COL19A1: variants seen among roughly 807,000 people sequenced by gnomAD.
COL19A1 encodes collagen alpha-1(XIX) chain.
Under a neutral mutation model 190.2 loss-of-function variants are expected in COL19A1, and 159 were observed. The observed-to-expected ratio is 0.84, with a 90% CI of 0.73 to 0.95. The LOEUF (loss-of-function observed/expected upper bound fraction) is 0.95. Among genes scored for constraint, COL19A1 ranks in the 40% least tolerant of loss-of-function variants. The pLI is 0.00. For synonymous variants in COL19A1, 509 were observed against 458.9 expected (o/e 1.11, Z -1.39); for missense variants, 1,418 against 1,431.9 (o/e 0.99, Z 0.16).
intron 4 of COL19A1, among the ~76,000 whole-genome samples, chr6:69,916,401 A>G (rs1251097554): frequency 6.6e-6 from 1 of 152,246 alleles, no homozygotes; most frequent in Non-Finnish European, 1.5e-5. Context: ...CTAGAAAATG[A>G]TCTAAGGAAT....
intron 27 of COL19A1, 23 bp downstream of exon 27, chr6:70,146,912 C>T: frequency 6.5e-7 from 1 of 1,539,076 alleles, no homozygotes; most frequent in East Asian, 2.3e-5. Context: ...CATTCGAGTC[C>T]TTGTTGATTC....
chr6:69,899,650 G>T (rs1770029498), intron 3 of COL19A1, among the ~76,000 whole-genome samples: 1 of 152,020 alleles, frequency 6.6e-6, no homozygotes, highest in African/African-American at 2.4e-5. Context: ...ATAAAGACAA[G>T]ATTACCATTT....
intron 11 of COL19A1, among the ~76,000 whole-genome samples, chr6:70,004,996 C>A (rs1168071164): frequency 6.6e-6 from 1 of 152,064 alleles, no homozygotes. Context: ...CCACACCCAG[C>A]TAATATTTTG....
At chr6:70,180,391 T>G (rs1256744016) in intron 43 of COL19A1, 35 bp downstream of exon 43, 1 of 1,614,016 alleles carries the variant, frequency 6.2e-7, no homozygotes, top group East Asian at 2.2e-5. Context: ...CAGTTGTACT[T>G]GTGTTGTACT....
chr6:70,156,551 A>T, intron 33 of COL19A1, 119 bp from the exon 34 acceptor site: 1 of 1,180,434 alleles, frequency 8.5e-7, no homozygotes, highest in Non-Finnish European at 1.2e-6. Context: ...GTTGCCATTT[A>T]TTTGTTCCCT....
At chr6:69,899,106 C>A in intron 3 of COL19A1, 84 bp downstream of exon 3, 1 of 786,302 alleles carries the variant, frequency 1.3e-6, no homozygotes, top group Admixed American at 2.3e-5. Context: ...ATAGGTGAAT[C>A]TTTGATACTG....
At chr6:70,035,125 C>T (rs559917510) in intron 13 of COL19A1, among the ~76,000 whole-genome samples, 13 of 152,274 alleles carry the variant, frequency 8.5e-5, no homozygotes, top group Middle Eastern at 3.4e-3. Flanking sequence ...CATCCTGGTA[C>T]CCCACGCTAT....
intron 11 of COL19A1, among the ~76,000 whole-genome samples, chr6:70,020,594 A>G (rs1778362227): frequency 6.6e-6 from 1 of 152,166 alleles, no homozygotes; most frequent in Non-Finnish European, 1.5e-5. Context: ...AATCTGTTAC[A>G]TATATATTCA....
intron 14 of COL19A1, among the ~76,000 whole-genome samples, chr6:70,063,762 C>A (rs572109570): frequency 6.6e-6 from 1 of 152,000 alleles, no homozygotes; most frequent in Non-Finnish European, 1.5e-5. Context: ...AGAGAAGAAT[C>A]AAATAGATGC....
intron 16 of COL19A1, among the ~76,000 whole-genome samples, chr6:70,113,842 C>CTTT (rs34876942): frequency 7.6e-3 from 488 of 63,940 alleles, no homozygotes; most frequent in East Asian, 9.7e-3. Flanking sequence ...CCAAGTCTTT[C>CTTT]TTTTTTTTTT....
At chr6:70,143,602 C>T (rs1032499825) in intron 23 of COL19A1, among the ~76,000 whole-genome samples, 7 of 151,978 alleles carry the variant, frequency 4.6e-5, no homozygotes, top group Admixed American at 4.6e-4. Flanking sequence ...ATGCTCACCG[C>T]TTGAGCCTCT....
intron 11 of COL19A1, among the ~76,000 whole-genome samples, chr6:69,975,396 A>G (rs1207700343): frequency 6.6e-6 from 1 of 152,172 alleles, no homozygotes; most frequent in East Asian, 1.9e-4. Context: ...CTGAGTCCTC[A>G]TCCTGGCTCC....
chr6:70,120,314 A>T lies in COL19A1; in HGVS notation c.1279-1566A>T, dbSNP rs542218899. 1.2e-3 allele frequency among the ~76,000 whole-genome samples: 190 copies of T among 152,304 alleles called. 2 individuals are homozygous for T. Among genetic ancestry groups the T allele is most frequent in the Non-Finnish European group, 2.2e-3 (152 of 68,028 alleles). ...AACACACACTCACTGAATGCCTACT[A>T]TACATATACCCCTAAGCCACCTCTT... On this transcript the variant is annotated intron_variant, in intron 16 of 50. Coordinates refer to ENST00000620364, the MANE Select transcript of COL19A1 (RefSeq NM_001858.6).
chr6:70,034,029 C>A, intron 12 of COL19A1, among the ~76,000 whole-genome samples: 1 of 152,116 alleles, frequency 6.6e-6, no homozygotes, highest in East Asian at 1.9e-4. Flanking sequence ...CACAAATATG[C>A]AGTATTGAGG....
intron 31 of COL19A1, among the ~76,000 whole-genome samples, chr6:70,153,287 C>G (rs1787192192): frequency 6.6e-6 from 1 of 152,100 alleles, no homozygotes. Flanking sequence ...GATCATCCTG[C>G]TTTCTGTTCG....
At chr6:70,109,175 G>T (rs190092291) in intron 16 of COL19A1, among the ~76,000 whole-genome samples, 3 of 152,044 alleles carry the variant, frequency 2.0e-5, no homozygotes, top group Non-Finnish European at 4.4e-5. Context: ...GCTATGGGGG[G>T]AATAAACTGG....
chr6:70,093,942 G>A (rs1535390), intron 15 of COL19A1, among the ~76,000 whole-genome samples: 50,167 of 151,894 alleles, frequency 0.33, 9,059 homozygotes, highest in South Asian at 0.52. Context: ...TAAGATCCCA[G>A]CCTCAATAAT....
chr6:69,915,934 CTTTTTT>C (rs10707834), intron 4 of COL19A1, among the ~76,000 whole-genome samples: 2 of 110,940 alleles, frequency 1.8e-5, no homozygotes, highest in Non-Finnish European at 3.5e-5. Context: ...CTCATCTCAT[CTTTTTT>C]TTTTTTTTTT....
intron 15 of COL19A1, among the ~76,000 whole-genome samples, chr6:70,077,393 A>C (rs1038545615): frequency 6.6e-6 from 1 of 152,142 alleles, no homozygotes; most frequent in African/African-American, 2.4e-5. Context: ...GTCGCTCTTG[A>C]ATTCTTCAGA....
Sources: gnomAD v4.1 joint callset for allele counts (sites outside exome capture counted in the v4.1 genomes callset) on GRCh38, gnomAD v4.1.1 for gene constraint, MANE v1.5 for transcripts, NCBI Gene and HGNC (gene_info 2026-07-23, HGNC 2026-07-21) for gene names.